Variants in DIAPH1 observed in about 807,000 individuals in gnomAD.
DIAPH1 encodes the protein diaphanous related formin 1.
Under a neutral mutation model 140.7 loss-of-function variants are expected in DIAPH1, and 46 were observed. That is an observed-to-expected ratio of 0.33 (90% CI 0.26 to 0.42). The LOEUF (loss-of-function observed/expected upper bound fraction) is 0.42, where lower values mean the gene tolerates loss of function less well. Among genes scored for constraint, DIAPH1 ranks in the 10% least tolerant of loss-of-function variants. DIAPH1 has a pLI of 1.00. For missense variants in DIAPH1, 1,310 were observed against 1,558.7 expected (o/e 0.84, Z 2.69); for synonymous variants, 565 against 551.6 (o/e 1.02, Z -0.34).
In DIAPH1 at chr5:141,573,599, G is replaced by C. The variant is rs767798101; in HGVS notation, c.2251C>G (p.Pro751Ala). Residue 751 changes from proline (P) to alanine (A), a missense_variant, in exon 16 of 28, where the codon CCC becomes GCC. Pro to Ala is a conservative substitution (Grantham distance 27). Transcript: ENST00000389054. ...PPPGMGMPPP[P>A]PFGFGVPAAP... ...GCAGGAACTCCAAATCCAAATGGGGGAGGTGGAGGCATACCCATTCCGGGT... is the reference window on the plus strand; with the variant it reads ...GCAGGAACTCCAAATCCAAATGGGGCAGGTGGAGGCATACCCATTCCGGGT... The C allele has an allele frequency of 6.2e-7, 1 of 1,614,090 alleles. No homozygotes were observed. The highest frequency in any genetic ancestry group is 8.5e-7 in the Non-Finnish European group (1 of 1,180,020).
At chr5:141,525,378 CAG>C (rs2099887170) in intron 26 of DIAPH1, among the ~76,000 whole-genome samples, 1 of 151,902 alleles carries the variant, frequency 6.6e-6, no homozygotes, top group African/African-American at 2.4e-5. Context: ...CCGCTGCCCA[CAG>C]AGAGAGCAGT....
intron 27 of DIAPH1, among the ~76,000 whole-genome samples, chr5:141,519,182 G>C (rs1474972599): frequency 6.6e-6 from 1 of 152,188 alleles, no homozygotes; most frequent in African/African-American, 2.4e-5. Context: ...GTGTGACTAT[G>C]ATGGTCTACA....
At chr5:141,591,927 C>A (rs1176809100) in intron 1 of DIAPH1, among the ~76,000 whole-genome samples, 1 of 149,588 alleles carries the variant, frequency 6.7e-6, no homozygotes, top group South Asian at 2.1e-4. Flanking sequence ...ACTAAAAATA[C>A]AAAAATTAGA....
At chr5:141,526,495 C>T (rs1301759970) in intron 24 of DIAPH1, 34 bp from the exon 25 acceptor site, 4 of 1,613,756 alleles carry the variant, frequency 2.5e-6, no homozygotes, top group Non-Finnish European at 1.7e-6. Context: ...AAGACCAAGA[C>T]CAAGAAGCAG....
intron 1 of DIAPH1, among the ~76,000 whole-genome samples, chr5:141,607,180 T>C (rs1376219057): frequency 1.3e-5 from 2 of 152,152 alleles, no homozygotes; most frequent in Non-Finnish European, 2.9e-5. Flanking sequence ...AGAAGAATAC[T>C]TCAAATAAGT....
At chr5:141,519,404 A>G (rs1193493604) in intron 27 of DIAPH1, among the ~76,000 whole-genome samples, 1 of 152,128 alleles carries the variant, frequency 6.6e-6, no homozygotes, top group African/African-American at 2.4e-5. Context: ...GTGTAACTCT[A>G]GTGGTATATA....
chr5:141,521,918 A>T (rs1263634451), intron 27 of DIAPH1, among the ~76,000 whole-genome samples: 2 of 152,146 alleles, frequency 1.3e-5, no homozygotes, highest in African/African-American at 4.8e-5. Context: ...TTCTAGTCCA[A>T]CTCTCATTTT....
chr5:141,597,546 C>A (rs772689368), intron 1 of DIAPH1, among the ~76,000 whole-genome samples: 6 of 152,086 alleles, frequency 3.9e-5, no homozygotes, highest in Non-Finnish European at 5.9e-5. Context: ...CAAAAAAGTG[C>A]AAGACTTGAA....
At chr5:141,595,996 C>G (rs1025484806) in intron 1 of DIAPH1, among the ~76,000 whole-genome samples, 1 of 151,954 alleles carries the variant, frequency 6.6e-6, no homozygotes, top group African/African-American at 2.4e-5. Flanking sequence ...CCAGCCTGGG[C>G]AACATGGCAA....
intron 14 of DIAPH1, among the ~76,000 whole-genome samples, chr5:141,575,727 C>A (rs2099895870): frequency 6.6e-6 from 1 of 152,078 alleles, no homozygotes; most frequent in East Asian, 1.9e-4. Context: ...TCCACAGATT[C>A]CCTATTTTTA....
At chr5:141,592,625 A>C (rs2099898683) in intron 1 of DIAPH1, among the ~76,000 whole-genome samples, 1 of 152,176 alleles carries the variant, frequency 6.6e-6, no homozygotes, top group Admixed American at 6.5e-5. Flanking sequence ...CATCCTACCT[A>C]CATCTAAATG....
intron 1 of DIAPH1, among the ~76,000 whole-genome samples, chr5:141,607,814 A>G (rs1341954736): frequency 6.6e-6 from 1 of 152,044 alleles, no homozygotes; most frequent in Non-Finnish European, 1.5e-5. Flanking sequence ...CAAATCTTGG[A>G]TTTTATTCAA....
intron 18 of DIAPH1, among the ~76,000 whole-genome samples, chr5:141,538,786 A>AGGCTG: frequency 6.6e-6 from 1 of 152,254 alleles, no homozygotes; most frequent in African/African-American, 2.4e-5. Flanking sequence ...CACTTTGCCC[A>AGGCTG]GGCTGGGCTG....
At chr5:141,530,801 C>A (rs1364770356) in intron 19 of DIAPH1, among the ~76,000 whole-genome samples, 1 of 152,158 alleles carries the variant, frequency 6.6e-6, no homozygotes, top group East Asian at 1.9e-4. Context: ...CTTTTGGAAT[C>A]GCCTAGAAGA....
chr5:141,549,813 T>G (rs1006351033), intron 18 of DIAPH1, among the ~76,000 whole-genome samples: 17 of 152,044 alleles, frequency 1.1e-4, no homozygotes, highest in African/African-American at 4.1e-4. Flanking sequence ...AATCAACACA[T>G]CACATGCAAC....
chr5:141,521,479 CT>C (rs1475333379), intron 27 of DIAPH1, among the ~76,000 whole-genome samples: 4 of 152,190 alleles, frequency 2.6e-5, no homozygotes, highest in Non-Finnish European at 5.9e-5. Flanking sequence ...TTACATGTTG[CT>C]TTTAATGAAC....
intron 18 of DIAPH1, among the ~76,000 whole-genome samples, chr5:141,535,001 T>G (rs1413091472): frequency 6.6e-6 from 1 of 152,216 alleles, no homozygotes; most frequent in Non-Finnish European, 1.5e-5. Context: ...CAGGTTGGAC[T>G]GCAGTGGCGC....
rs996518844 is a variant in DIAPH1 at position 141,515,147 on chromosome 5, CTTTT to C, written c.*1700_*1703del. 1.3e-5 allele frequency: 2 copies of C among 151,496 alleles called. No individual in the cohort carries two copies. The highest frequency in any genetic ancestry group is 6.6e-5 in the Admixed American group (1 of 15,130). 9.4% of individuals were successfully genotyped at this position (151,496 alleles called of 1,614,324 possible). A position where few individuals can be genotyped will look rare whatever the true frequency, so the allele number is the denominator to read the frequency against. On this transcript the variant is annotated 3_prime_UTR_variant, in exon 28 of 28. Transcript: ENST00000389054. ...GTCCCTCACACCTCTCTCTCTCTCT[CTTTT>C]TTTTTATTAAATGCATCTTAGCAAA...
Position 141,573,914 on chromosome 5 carries a change from A to G in DIAPH1, c.1936T>C (p.Ser646Pro). 6.5e-7 allele frequency: 1 copy of G among 1,546,936 alleles called. No individual in the cohort carries two copies. The highest frequency in any genetic ancestry group is 8.7e-7 in the Non-Finnish European group (1 of 1,146,118). ...GTAISPPPPL[S>P]GDATIPPPPP... ...GGTGGAGGGATGGTAGCATCCCCAG[A>G]CAAAGGAGGGGGTGGAGAGATAGCA... The change falls in exon 16 of 28, where the codon TCT (serine) becomes CCT (proline). Residue 646 changes from serine to proline, a missense_variant. By Grantham distance (74) the Ser-to-Pro change is moderately conservative (BLOSUM62 -1). Around this residue, in one of 3 missense-constraint regions of DIAPH1, gnomAD observed 589 missense variants for 549.3 expected, o/e 1.07. Coordinates refer to ENST00000389054, the MANE Select transcript of DIAPH1 (RefSeq NM_005219.5).
Sources: gnomAD v4.1 joint callset for allele counts (sites outside exome capture counted in the v4.1 genomes callset) on GRCh38, gnomAD v4.1.1 for gene constraint, gnomAD v4.1.1 regional missense constraint, MANE v1.5 for transcripts, NCBI Gene and HGNC (gene_info 2026-07-23, HGNC 2026-07-21) for gene names.